The following RAPGEF2 variants were observed in gnomAD, a reference collection of about 807,000 sequenced individuals.
RAPGEF2 encodes Rap guanine nucleotide exchange factor 2, also known as PDZ domain containing guanine nucleotide exchange factor (GEF) 1.
Under a neutral mutation model 186.7 loss-of-function variants are expected in RAPGEF2, and 54 were observed. The observed-to-expected ratio is 0.29, with a 90% CI of 0.23 to 0.36. The LOEUF (loss-of-function observed/expected upper bound fraction) is 0.36. RAPGEF2 is among the 10% of genes least tolerant of loss of function. The pLI is 1.00. For synonymous variants in RAPGEF2, 712 were observed against 705.9 expected (o/e 1.01, Z -0.14); for missense variants, 1,532 against 2,045.0 (o/e 0.75, Z 4.84).
At chr4:159,121,320 G>A (rs1739654236) in intron 1 of RAPGEF2, among the ~76,000 whole-genome samples, 1 of 151,810 alleles carries the variant, frequency 6.6e-6, no homozygotes, top group Non-Finnish European at 1.5e-5. Context: ...ACTCATACAT[G>A]GACCTCTCCC....
At chr4:159,259,018 T>C (rs1248813836) in intron 7 of RAPGEF2, among the ~76,000 whole-genome samples, 1 of 152,216 alleles carries the variant, frequency 6.6e-6, no homozygotes, top group African/African-American at 2.4e-5. Flanking sequence ...AGATGTTTAC[T>C]GATGTGTTTT....
chr4:159,186,008 A>G (rs1481848958), intron 1 of RAPGEF2, among the ~76,000 whole-genome samples: 1 of 152,096 alleles, frequency 6.6e-6, no homozygotes, highest in Admixed American at 6.6e-5. Context: ...CTGGCTTGTC[A>G]CAAATGAATA....
chr4:159,158,169 C>G (rs1237782890), intron 1 of RAPGEF2, among the ~76,000 whole-genome samples: 1 of 152,064 alleles, frequency 6.6e-6, no homozygotes, highest in East Asian at 1.9e-4. Context: ...GTATTTTTGC[C>G]AAAAGTAAAA....
At position 159,104,524 on chromosome 4, in the gene RAPGEF2, GAGGGAGAGAC is replaced by G. The variant is rs1244862854; in HGVS notation, c.69+296_69+305del. Among the ~76,000 whole-genome samples the G allele has an allele frequency of 2.6e-3, 305 of 117,462 alleles. 7 individuals carry two copies. The highest frequency in any genetic ancestry group is 4.5e-3 in the Admixed American group (53 of 11,686). 77.1% of individuals were successfully genotyped at this position (117,462 alleles called of 152,430 possible). On this transcript the variant is annotated intron_variant, in intron 1 of 29. Transcript: ENST00000691494. ...AGAGAGAGAGAGAGAGAGAGAGAGA[GAGGGAGAGAC>G]AGAGAGAGAGAGAGAGAGAGTGTGT...
chr4:159,113,370 A>G (rs1031807602), intron 1 of RAPGEF2, among the ~76,000 whole-genome samples: 4 of 152,226 alleles, frequency 2.6e-5, no homozygotes, highest in African/African-American at 9.6e-5. Context: ...TAAAAATTCA[A>G]AGTTAAAAAA....
At chr4:159,311,029 A>T (rs561459253) in intron 8 of RAPGEF2, among the ~76,000 whole-genome samples, 69 of 152,200 alleles carry the variant, frequency 4.5e-4, no homozygotes, top group Admixed American at 9.8e-4. Flanking sequence ...AGCAAAGTGC[A>T]GAGTACTTAG....
intron 4 of RAPGEF2, among the ~76,000 whole-genome samples, chr4:159,223,761 A>C (rs1004727701): frequency 2.0e-5 from 3 of 152,208 alleles, no homozygotes; most frequent in Non-Finnish European, 4.4e-5. Context: ...TTTAGTTATT[A>C]CTCAGAATCG....
chr4:159,284,094 GTTTC>G (rs1760105808), intron 7 of RAPGEF2, among the ~76,000 whole-genome samples: 2 of 152,316 alleles, frequency 1.3e-5, no homozygotes, highest in East Asian at 3.9e-4. Flanking sequence ...TCAGGCTGAA[GTTTC>G]TTTATTGAAA....
chr4:159,338,565 A>T, intron 18 of RAPGEF2, 97 bp downstream of exon 18: 2 of 1,207,160 alleles, frequency 1.7e-6, no homozygotes, highest in Non-Finnish European at 2.3e-6. Flanking sequence ...TTTGGCATGG[A>T]TTATATCAGA....
intron 25 of RAPGEF2, among the ~76,000 whole-genome samples, chr4:159,347,765 C>T (rs952563896): frequency 7.9e-5 from 12 of 152,142 alleles, no homozygotes; most frequent in Admixed American, 1.3e-4. Flanking sequence ...CCAGCCTGGG[C>T]GAAAGAGCGA....
chr4:159,304,244 C>T (rs1330066564), intron 7 of RAPGEF2, 98 bp from the exon 8 acceptor site: 5 of 1,101,892 alleles, frequency 4.5e-6, no homozygotes, highest in African/African-American at 3.3e-5. Context: ...ATTTTTAGTT[C>T]AATGGTATAG....
chr4:159,205,749 A>G (rs1749905406), intron 3 of RAPGEF2, among the ~76,000 whole-genome samples: 1 of 152,054 alleles, frequency 6.6e-6, no homozygotes, highest in African/African-American at 2.4e-5. Context: ...CCATGATTGT[A>G]AGTTTCCTGA....
intron 7 of RAPGEF2, among the ~76,000 whole-genome samples, chr4:159,294,546 A>G (rs1447308479): frequency 6.6e-6 from 1 of 152,176 alleles, no homozygotes; most frequent in Non-Finnish European, 1.5e-5. Flanking sequence ...GTATGATTGC[A>G]TGATTTGCTT....
At chr4:159,220,111 C>T (rs1417198457) in intron 4 of RAPGEF2, among the ~76,000 whole-genome samples, 2 of 152,104 alleles carry the variant, frequency 1.3e-5, no homozygotes, top group Non-Finnish European at 2.9e-5. Flanking sequence ...AGTGGAGTGG[C>T]AGAGCTGGTT....
intron 25 of RAPGEF2, among the ~76,000 whole-genome samples, chr4:159,348,218 CGATA>C (rs535075782): frequency 0.02 from 2,889 of 145,758 alleles, 75 homozygotes; most frequent in African/African-American, 0.059. Flanking sequence ...AAGACTCTGT[CGATA>C]GATAGATAGA....
chr4:159,286,913 A>T (rs1157789147), intron 7 of RAPGEF2, among the ~76,000 whole-genome samples: 2 of 152,314 alleles, frequency 1.3e-5, no homozygotes, highest in South Asian at 2.1e-4. Flanking sequence ...CCCCACTGGA[A>T]TGCAAGCTTC....
In RAPGEF2 at chr4:159,103,370, G is replaced by T. The variant is rs2111032795; in HGVS notation, c.-793G>T. ...GCGGCGCCGGCGCCGGGGCAGCTCCGCTCCGGGCGCGCTGATGGGGGGAGG... is the reference window on the plus strand; with the variant it reads ...GCGGCGCCGGCGCCGGGGCAGCTCCTCTCCGGGCGCGCTGATGGGGGGAGG... On this transcript the variant is annotated 5_prime_UTR_variant, in exon 1 of 30. Transcript: ENST00000691494. 1 of 152,338 alleles carries T rather than the reference G, an allele frequency of 6.6e-6. No homozygotes were observed. Among genetic ancestry groups the T allele is most frequent in the East Asian group, 1.9e-4 (1 of 5,158 alleles). The allele number at this position is 152,338 out of a possible 1,614,324, so 9.4% of individuals were successfully genotyped here. A position where few individuals can be genotyped will look rare whatever the true frequency, so the allele number is the denominator to read the frequency against.
rs150742207 is a variant in RAPGEF2, at chr4:159,185,240, A to G, written c.70-1402A>G. On this transcript the variant is annotated intron_variant, in intron 1 of 29. Coordinates refer to ENST00000691494, the MANE Select transcript of RAPGEF2 (RefSeq NM_001394067.2). ...GTGGGATTATAAAATGGTTGCAGTGACTTAGGAAAGCAGTTTGGCAGGTCC... is the reference window on the plus strand; with the variant it reads ...GTGGGATTATAAAATGGTTGCAGTGGCTTAGGAAAGCAGTTTGGCAGGTCC... Among the ~76,000 whole-genome samples, 435 of 152,316 alleles carry G rather than the reference A, an allele frequency of 2.9e-3. 3 individuals are homozygous for G. The highest frequency in any genetic ancestry group is 9.4e-3 in the African/African-American group (391 of 41,576).
intron 1 of RAPGEF2, among the ~76,000 whole-genome samples, chr4:159,150,937 G>T (rs1396832892): frequency 6.6e-6 from 1 of 152,178 alleles, no homozygotes. Context: ...TGTGAAGTAT[G>T]TGTAGGTTGC....
Sources: allele counts gnomAD v4.1 joint callset (sites outside exome capture counted in the v4.1 genomes callset), GRCh38; gene constraint gnomAD v4.1.1; transcripts MANE v1.5; gene names NCBI Gene and HGNC (gene_info 2026-07-23, HGNC 2026-07-21).